The following SLC4A10 variants were observed in gnomAD, a reference collection of about 807,000 sequenced individuals.
SLC4A10 encodes the protein sodium-driven chloride bicarbonate exchanger.
A neutral mutation model predicts 137.7 loss-of-function variants in SLC4A10; 42 were observed. The ratio of observed to expected loss-of-function variants is 0.30; its 90% CI spans 0.24 to 0.39. SLC4A10 has a LOEUF of 0.39. Ranked by LOEUF, SLC4A10 falls within the 10% of genes least tolerant of loss-of-function variation. The pLI, the probability that SLC4A10 is intolerant of heterozygous loss-of-function variation, is 1.00. For synonymous variants in SLC4A10, 474 were observed against 464.1 expected, an observed-to-expected ratio of 1.02 and a Z score of -0.27; for missense variants, 925 against 1,355.0, an observed-to-expected ratio of 0.68 and a Z score of 4.98.
chr2:161,799,637 A>G, intron 2 of SLC4A10, among the ~76,000 whole-genome samples: 1 of 151,980 alleles, frequency 6.6e-6, no homozygotes, highest in East Asian at 1.9e-4. Flanking sequence ...AGTGTCTACC[A>G]TGTAACAGGC....
intron 2 of SLC4A10, among the ~76,000 whole-genome samples, chr2:161,778,801 T>C (rs888790997): frequency 7.9e-5 from 12 of 152,014 alleles, no homozygotes; most frequent in Non-Finnish European, 1.5e-4. Flanking sequence ...TTAGCAGATA[T>C]TAAAATCTTT....
At chr2:161,678,881 T>G (rs1171061051) in intron 1 of SLC4A10, among the ~76,000 whole-genome samples, 1 of 152,192 alleles carries the variant, frequency 6.6e-6, no homozygotes, top group Admixed American at 6.5e-5. Flanking sequence ...GGACATTGGA[T>G]TATTTCCATT....
At chr2:161,816,479 T>A (rs1457973068) in intron 3 of SLC4A10, among the ~76,000 whole-genome samples, 1 of 150,540 alleles carries the variant, frequency 6.6e-6, no homozygotes, top group African/African-American at 2.4e-5. Flanking sequence ...ATTTGGGCAC[T>A]CTTTTTTTTA....
chr2:161,792,411 T>C (rs565038025), intron 2 of SLC4A10, among the ~76,000 whole-genome samples: 2 of 152,300 alleles, frequency 1.3e-5, no homozygotes, highest in East Asian at 3.9e-4. Context: ...TAGATTTATA[T>C]TAACACTATA....
At chr2:161,977,682 C>A (rs745724221) in intron 25 of SLC4A10, 40 bp from the exon 26 acceptor site, 2 of 1,556,858 alleles carry the variant, frequency 1.3e-6, no homozygotes, top group East Asian at 4.6e-5. Flanking sequence ...CTTAAATTAA[C>A]TTTTTCTACT....
intron 15 of SLC4A10, among the ~76,000 whole-genome samples, chr2:161,923,551 A>G (rs938227099): frequency 2.0e-5 from 3 of 152,164 alleles, no homozygotes; most frequent in African/African-American, 7.2e-5. Flanking sequence ...GGAAACCATC[A>G]TTCTCAGCAA....
chr2:161,640,657 C>CTTCCTTCCTTCCTTCT (rs1553470354), intron 1 of SLC4A10, among the ~76,000 whole-genome samples: 60 of 62,244 alleles, frequency 9.6e-4, no homozygotes, highest in East Asian at 3.6e-3. Context: ...TCCTTCCTTC[C>CTTCCTTCCTTCCTTCT]TTCTTTCTTT....
intron 3 of SLC4A10, among the ~76,000 whole-genome samples, chr2:161,806,846 C>G (rs1302396818): frequency 6.6e-6 from 1 of 152,152 alleles, no homozygotes; most frequent in African/African-American, 2.4e-5. Context: ...AAAGTCACTT[C>G]CACATTTTCA....
At chr2:161,784,546 A>T (rs2053408904) in intron 2 of SLC4A10, among the ~76,000 whole-genome samples, 1 of 151,918 alleles carries the variant, frequency 6.6e-6, no homozygotes, top group African/African-American at 2.4e-5. Context: ...TGTACCAACT[A>T]TTATTTCTGA....
chr2:161,640,075 C>A (rs973190122), intron 1 of SLC4A10, among the ~76,000 whole-genome samples: 4 of 152,080 alleles, frequency 2.6e-5, no homozygotes, highest in African/African-American at 9.7e-5. Context: ...TATTTGAAAT[C>A]TGTGGAGAAG....
At chr2:161,697,075 C>T (rs2042589308) in intron 1 of SLC4A10, among the ~76,000 whole-genome samples, 1 of 152,172 alleles carries the variant, frequency 6.6e-6, no homozygotes, top group Admixed American at 6.5e-5. Flanking sequence ...AGCATTTTTT[C>T]ATGTGTCTTT....
intron 1 of SLC4A10, among the ~76,000 whole-genome samples, chr2:161,704,860 G>A (rs1230226840): frequency 6.6e-6 from 1 of 151,320 alleles, no homozygotes; most frequent in Non-Finnish European, 1.5e-5. Context: ...AAACATCTTT[G>A]AGCATAAATC....
At chr2:161,728,289 G>A (rs745566583) in intron 1 of SLC4A10, among the ~76,000 whole-genome samples, 19 of 152,162 alleles carry the variant, frequency 1.2e-4, no homozygotes, top group Non-Finnish European at 2.9e-5. Context: ...AAATATTCAG[G>A]CCAACAATGG....
At chr2:161,947,275 T>C (rs561148712) in intron 16 of SLC4A10, among the ~76,000 whole-genome samples, 48 of 152,282 alleles carry the variant, frequency 3.2e-4, no homozygotes, top group African/African-American at 1.1e-3. Context: ...GTTAGGAACT[T>C]AGTAGATATT....
rs1364108320 is a variant in SLC4A10 at position 161,904,836 on chromosome 2, G to A, written c.1678G>A (p.Gly560Arg). Residue 560 changes from glycine to arginine, a missense_variant, in exon 14 of 27, where the codon GGA (glycine) becomes AGA (arginine). By Grantham distance (125) the Gly-to-Arg change is moderately radical. This residue lies in a region of SLC4A10 where 61 missense variants were observed against 168.0 expected (regional missense o/e 0.36). Transcript: ENST00000446997. The stretch of plus-strand genomic sequence containing the variant: ...CGGGATAGCCTATTCTCTCTTTGGT[G>A]GACAGCCTCTTACCATATTAGGCAG... ...MTGIAYSLFG[G>R]QPLTILGSTG... 1 of 1,613,936 alleles carries A rather than the reference G, an allele frequency of 6.2e-7. No homozygotes were observed.
intron 2 of SLC4A10, among the ~76,000 whole-genome samples, chr2:161,795,768 A>G (rs2054706716): frequency 6.6e-6 from 1 of 152,068 alleles, no homozygotes; most frequent in African/African-American, 2.4e-5. Context: ...TTTTGTGAAG[A>G]TTAAATGAGA....
chr2:161,822,095 CAT>C (rs1361595947), intron 3 of SLC4A10, among the ~76,000 whole-genome samples: 5 of 152,178 alleles, frequency 3.3e-5, no homozygotes, highest in African/African-American at 7.2e-5. Context: ...GTTATAACCA[CAT>C]GTTTACTTAC....
At chr2:161,976,441 C>T (rs1215046478) in intron 24 of SLC4A10, among the ~76,000 whole-genome samples, 1 of 152,042 alleles carries the variant, frequency 6.6e-6, no homozygotes, top group African/African-American at 2.4e-5. Context: ...TTATAGTTGC[C>T]AGGGACCGGG....
At position 161,964,410 on chromosome 2, in the gene SLC4A10, A is replaced by T. The variant is rs987659409; in HGVS notation, c.3036+102A>T. 6.3e-5 allele frequency: 78 copies of T among 1,246,220 alleles called. No individual in the cohort carries two copies. In the Middle Eastern group the frequency reaches 6.6e-4, roughly 11 times the overall value. The allele number at this position is 1,246,220 out of a possible 1,614,324, so 77.2% of individuals were successfully genotyped here. A position where few individuals can be genotyped will look rare whatever the true frequency, so the allele number is the denominator to read the frequency against. ...AACTGGAACAACAGAGTCATTTTGA[A>T]CAATTATTGGAAAATATAAGTTTTG... is the stretch of plus-strand genomic sequence containing the variant. On this transcript the variant is annotated intron_variant, in intron 22 of 26. Transcript: ENST00000446997.
Sources: allele counts gnomAD v4.1 joint callset (sites outside exome capture counted in the v4.1 genomes callset), GRCh38; gene constraint gnomAD v4.1.1; regional missense constraint gnomAD v4.1.1; transcripts MANE v1.5; gene names NCBI Gene and HGNC (gene_info 2026-07-23, HGNC 2026-07-21).